HECW1: variants seen among roughly 807,000 people sequenced by gnomAD.
HECW1 encodes the protein HECT, C2 and WW domain containing E3 ubiquitin protein ligase 1.
In HECW1, 61 loss-of-function variants were observed where a neutral mutation model predicts 182.3. The observed-to-expected ratio is 0.33, with a 90% CI of 0.27 to 0.41. HECW1 has a LOEUF of 0.41. HECW1 is among the 10% of genes least tolerant of loss of function. The probability of loss-of-function intolerance (pLI) is 1.00; values close to 1 mark genes in which losing one functional copy is unlikely to be tolerated. For missense variants in HECW1, 1,739 were observed against 2,108.9 expected, an observed-to-expected ratio of 0.82 and a Z score of 3.44; for synonymous variants, 859 against 832.6, an observed-to-expected ratio of 1.03 and a Z score of -0.55.
At chr7:43,446,449 C>G (rs2152880247) in intron 11 of HECW1, among the ~76,000 whole-genome samples, 1 of 152,200 alleles carries the variant, frequency 6.6e-6, no homozygotes, top group Non-Finnish European at 1.5e-5. Context: ...TGAAATAATT[C>G]AGTTGTTTTA....
chr7:43,336,174 C>CTT (rs1562854103), intron 5 of HECW1, among the ~76,000 whole-genome samples: 4 of 130,372 alleles, frequency 3.1e-5, no homozygotes, highest in African/African-American at 1.2e-4. Context: ...CTCTCTCTCT[C>CTT]TCTCTCTCTC....
At chr7:43,372,264 G>A (rs898497477) in intron 6 of HECW1, among the ~76,000 whole-genome samples, 4 of 152,152 alleles carry the variant, frequency 2.6e-5, no homozygotes, top group Non-Finnish European at 4.4e-5. Flanking sequence ...CTACCTTTGA[G>A]GATTATGTGG....
chr7:43,171,192 T>G (rs180701304), intron 2 of HECW1, among the ~76,000 whole-genome samples: 7 of 152,290 alleles, frequency 4.6e-5, no homozygotes, highest in African/African-American at 9.6e-5. Context: ...TTATGCGGAA[T>G]GAAGATTGTG....
In HECW1 at chr7:43,336,144, T is replaced by TTC. The variant is rs768468130; in HGVS notation, c.460+15456_460+15457dup. On this transcript the variant is annotated intron_variant, in intron 5 of 29. Transcript: ENST00000395891. Reference sequence around the variant, plus strand: ...TTTCTTTCTCTCTCTCTCTCTCTCTTTCTCTCTCTCTCTCTCTCTCTCTCT... The same window carrying TTC: ...TTTCTTTCTCTCTCTCTCTCTCTCTTTCTCTCTCTCTCTCTCTCTCTCTCTCT... Among the ~76,000 whole-genome samples, 118 of 51,974 alleles carry TTC rather than the reference T, an allele frequency of 2.3e-3. 1 individual carries two copies. Among genetic ancestry groups the TTC allele is most frequent in the Non-Finnish European group, 3.2e-3 (88 of 27,182 alleles). 34.1% of individuals were successfully genotyped at this position (51,974 alleles called of 152,430 possible).
chr7:43,379,230 T>A (rs2074451257), intron 6 of HECW1, among the ~76,000 whole-genome samples: 1 of 152,162 alleles, frequency 6.6e-6, no homozygotes, highest in South Asian at 2.1e-4. Flanking sequence ...ACTGCACCTC[T>A]CTGATGTGGA....
Position 43,288,422 on chromosome 7 carries a change from C to T in HECW1, c.28-23341C>T, listed in dbSNP as rs535360694. On this transcript the variant is annotated intron_variant, in intron 3 of 29. Coordinates refer to ENST00000395891, the MANE Select transcript of HECW1 (RefSeq NM_015052.5). The stretch of plus-strand genomic sequence containing the variant: ...TCTGCAAACATTGTAATAAAGCTTT[C>T]CATAATTTTAAGTTGAACACCCTCC... Among the ~76,000 whole-genome samples the T allele has an allele frequency of 5.3e-5, 8 of 152,272 alleles. No individual in the cohort carries two copies. The East Asian group carries it at 1.5e-3, about 29-fold the overall frequency.
intron 7 of HECW1, among the ~76,000 whole-genome samples, chr7:43,397,890 C>A (rs1322097602): frequency 6.6e-6 from 1 of 152,164 alleles, no homozygotes; most frequent in Non-Finnish European, 1.5e-5. Context: ...ATGGGACAAA[C>A]TGGGCAAAGG....
intron 3 of HECW1, among the ~76,000 whole-genome samples, chr7:43,305,839 C>A (rs193011320): frequency 6.6e-6 from 1 of 152,106 alleles, no homozygotes; most frequent in African/African-American, 2.4e-5. Context: ...CGGCTCACTG[C>A]AACCTCTGCC....
chr7:43,375,295 G>GA (rs148399178), intron 6 of HECW1, among the ~76,000 whole-genome samples: 15 of 147,892 alleles, frequency 1.0e-4, no homozygotes, highest in East Asian at 7.9e-4. Context: ...TATTTAAAGG[G>GA]AAAAAAAAAA....
At chr7:43,391,030 A>G (rs2075008744) in intron 6 of HECW1, among the ~76,000 whole-genome samples, 1 of 152,178 alleles carries the variant, frequency 6.6e-6, no homozygotes, top group East Asian at 1.9e-4. Flanking sequence ...ATTGGGGTCT[A>G]AAGGAACTCC....
intron 2 of HECW1, among the ~76,000 whole-genome samples, chr7:43,210,445 A>G (rs1026419314): frequency 6.1e-5 from 6 of 97,760 alleles, no homozygotes; most frequent in African/African-American, 2.3e-4. Context: ...GATCAAGTAG[A>G]AGTGAGTGTG....
chr7:43,506,214 T>C (rs2079570927), intron 21 of HECW1, among the ~76,000 whole-genome samples: 1 of 152,204 alleles, frequency 6.6e-6, no homozygotes, highest in Admixed American at 6.5e-5. Context: ...GGTATGTTTA[T>C]TTGAGCATCA....
chr7:43,274,525 G>A, intron 3 of HECW1: 2 of 583,560 alleles, frequency 3.4e-6, no homozygotes, highest in Non-Finnish European at 6.4e-6. Context: ...GGAGATCGCA[G>A]CCAACAAGTG....
chr7:43,445,022 G>T lies in HECW1; in HGVS notation c.1850G>T (p.Arg617Ile). Residue 617 changes from arginine (R) to isoleucine (I), a missense_variant, in exon 11 of 30, where the codon AGA becomes ATA. Transcript: ENST00000395891. The part of the protein sequence containing the change: ...AADPSALEED[R>I]EEPEGATPGT... ...GACCCGTCTGCCCTGGAAGAGGACAGAGAAGAGCCCGAGGGGGCTACTCCA... is the reference window on the plus strand; with the variant it reads ...GACCCGTCTGCCCTGGAAGAGGACATAGAAGAGCCCGAGGGGGCTACTCCA... 6.4e-7 allele frequency: 1 copy of T among 1,563,064 alleles called. No individual in the cohort carries two copies. The highest frequency in any genetic ancestry group is 1.2e-5 in the South Asian group (1 of 83,320).
chr7:43,311,504 G>A (rs1332153057), intron 3 of HECW1: 1 of 680,126 alleles, frequency 1.5e-6, no homozygotes, highest in African/African-American at 1.7e-5. Context: ...TTAGAGCCGG[G>A]AGAGGCAGAG....
At chr7:43,550,692 A>G in intron 27 of HECW1, 101 bp downstream of exon 27, 1 of 1,243,938 alleles carries the variant, frequency 8.0e-7, no homozygotes, top group East Asian at 2.5e-5. Flanking sequence ...TCAGGTGGTG[A>G]AAACAGAGAG....
At chr7:43,303,897 A>G (rs541098453) in intron 3 of HECW1, among the ~76,000 whole-genome samples, 1 of 152,264 alleles carries the variant, frequency 6.6e-6, no homozygotes, top group South Asian at 2.1e-4. Context: ...ACAAATGGGT[A>G]AGCAGGACTC....
intron 5 of HECW1, among the ~76,000 whole-genome samples, chr7:43,343,499 G>A (rs1813290346): frequency 6.6e-6 from 1 of 151,578 alleles, no homozygotes; most frequent in Admixed American, 6.6e-5. Flanking sequence ...TCCCACCTAC[G>A]AGTGAGAACA....
chr7:43,561,786 A>G (rs745518365), intron 29 of HECW1, 29 bp from the exon 30 acceptor site: 1 of 1,447,350 alleles, frequency 6.9e-7, no homozygotes, highest in African/African-American at 1.4e-5. Context: ...TGAAACAAAC[A>G]CTCTCACCAA....
Sources: allele counts gnomAD v4.1 joint callset (sites outside exome capture counted in the v4.1 genomes callset), GRCh38; gene constraint gnomAD v4.1.1; transcripts MANE v1.5; gene names NCBI Gene and HGNC (gene_info 2026-07-23, HGNC 2026-07-21).